Variants in NUP93 observed in about 807,000 individuals in gnomAD.
The protein encoded by NUP93 is nuclear pore complex protein Nup93.
In NUP93, 55 loss-of-function variants were observed where a neutral mutation model predicts 107.8. The observed-to-expected ratio is 0.51, with a 90% CI of 0.41 to 0.64. The LOEUF is 0.64. Among genes scored for constraint, NUP93 ranks in the 30% least tolerant of loss-of-function variants. The pLI, the probability that NUP93 is intolerant of heterozygous loss-of-function variation, is 0.00. For synonymous variants in NUP93, 390 were observed against 397.5 expected (o/e 0.98, Z 0.22); for missense variants, 937 against 1,044.7 (o/e 0.90, Z 1.42).
intron 1 of NUP93, among the ~76,000 whole-genome samples, chr16:56,733,785 C>T: frequency 6.6e-6 from 1 of 152,094 alleles, no homozygotes; most frequent in Non-Finnish European, 1.5e-5. Context: ...TCTGTTAATA[C>T]CTCCATCTCT....
intron 1 of NUP93, among the ~76,000 whole-genome samples, chr16:56,746,748 T>C (rs1961826644): frequency 6.6e-6 from 1 of 152,166 alleles, no homozygotes. Context: ...ACAAAAAAGC[T>C]GGTAGTGTCA....
chr16:56,841,789 T>G lies in NUP93; in HGVS notation c.2305T>G (p.Ser769Ala). 6.2e-7 allele frequency: 1 copy of G among 1,614,194 alleles called. No homozygotes were observed. Among genetic ancestry groups the G allele is most frequent in the Non-Finnish European group, 8.5e-7 (1 of 1,180,022 alleles). Residue 769 changes from serine (S) to alanine (A), a missense_variant, in exon 21 of 22, where the codon TCC becomes GCC. By Grantham distance (99) the Ser-to-Ala change is moderately conservative (BLOSUM62 1). Coordinates refer to ENST00000308159, the MANE Select transcript of NUP93 (RefSeq NM_014669.5). ...QFKRLKGTSP[S>A]SSSRPQRVIE... ...TAAGAGGCTCAAGGGGACAAGTCCA[T>G]CCTCGTCATCCAGGCCCCAGCGAGT...
chr16:56,802,319 C>G (rs1240550093), intron 4 of NUP93, among the ~76,000 whole-genome samples: 2 of 150,334 alleles, frequency 1.3e-5, no homozygotes, highest in African/African-American at 4.9e-5. Flanking sequence ...CCCACCCCAC[C>G]TTTGTGTTCC....
intron 2 of NUP93, among the ~76,000 whole-genome samples, chr16:56,755,608 G>A (rs539035071): frequency 2.6e-5 from 4 of 152,206 alleles, no homozygotes; most frequent in South Asian, 2.1e-4. Flanking sequence ...AGGCATGGTC[G>A]CTCACGCCTG....
Position 56,847,059 on chromosome 16 carries a change from G to A in NUP93, c.*2450G>A, listed in dbSNP as rs1964125477. ...CTCTGCTAGGGGAGCTGTGAGTTGG[G>A]AGAAAAGTGGTCACTGGTTGGCAGT... is the stretch of plus-strand genomic sequence containing the variant. On this transcript the variant is annotated 3_prime_UTR_variant, in exon 22 of 22. Transcript: ENST00000308159. The A allele has an allele frequency of 6.6e-6, 1 of 152,300 alleles. No individual in the cohort carries two copies. Among genetic ancestry groups the A allele is most frequent in the African/African-American group, 2.4e-5 (1 of 41,458 alleles). The allele number at this position is 152,300 out of a possible 1,614,324, so 9.4% of individuals were successfully genotyped here.
chr16:56,821,381 G>A, intron 6 of NUP93, 123 bp from the exon 7 acceptor site: 2 of 635,630 alleles, frequency 3.1e-6, no homozygotes, highest in South Asian at 3.5e-5. Context: ...AGTGTGGATG[G>A]CTCAGCCACT....
chr16:56,788,143 C>T (rs1567388494), intron 3 of NUP93, among the ~76,000 whole-genome samples: 5 of 152,192 alleles, frequency 3.3e-5, no homozygotes, highest in Admixed American at 3.3e-4. Flanking sequence ...CCTCAGCAGT[C>T]TGACAGCAGT....
intron 2 of NUP93, among the ~76,000 whole-genome samples, chr16:56,750,929 C>T (rs1278321233): frequency 6.6e-6 from 1 of 152,012 alleles, no homozygotes; most frequent in Non-Finnish European, 1.5e-5. Flanking sequence ...GAGGCTGAGG[C>T]AGATGAATCG....
At chr16:56,775,719 T>A (rs1003818309) in intron 3 of NUP93, among the ~76,000 whole-genome samples, 4 of 152,104 alleles carry the variant, frequency 2.6e-5, no homozygotes, top group Admixed American at 2.0e-4. Flanking sequence ...CCCAAAAAAA[T>A]GTTAGAATTG....
At chr16:56,739,753 G>A (rs1373170946) in intron 1 of NUP93, among the ~76,000 whole-genome samples, 4 of 121,336 alleles carry the variant, frequency 3.3e-5, no homozygotes, top group African/African-American at 6.6e-5. Flanking sequence ...CGGACGGGGC[G>A]GCTGGCCGGG....
intron 5 of NUP93, among the ~76,000 whole-genome samples, chr16:56,806,009 T>G (rs1567396991): frequency 6.6e-6 from 1 of 150,690 alleles, no homozygotes; most frequent in East Asian, 1.9e-4. Flanking sequence ...TGAACCTTAG[T>G]GTTAATTTAT....
At chr16:56,743,458 C>T (rs975821954) in intron 1 of NUP93, among the ~76,000 whole-genome samples, 1 of 152,134 alleles carries the variant, frequency 6.6e-6, no homozygotes, top group Admixed American at 6.6e-5. Flanking sequence ...ATTTGCTCAG[C>T]ATCCTCTAGG....
rs1963796508 is a variant in NUP93 at position 56,831,829 on chromosome 16, C to T, written c.1086-13C>T. ...GAGTATGTATCTATCTGTCTGTTCC[C>T]TTATGTCTGTAGATTGTCCCCAGCT... On this transcript the variant is annotated splice_polypyrimidine_tract_variant and intron_variant, in intron 10 of 21. Transcript: ENST00000308159. 1.2e-6 allele frequency: 2 copies of T among 1,613,050 alleles called. No homozygotes were observed. The highest frequency in any genetic ancestry group is 1.7e-6 in the Non-Finnish European group (2 of 1,179,594).
intron 3 of NUP93, among the ~76,000 whole-genome samples, chr16:56,775,250 A>T (rs1162994872): frequency 6.6e-6 from 1 of 152,212 alleles, no homozygotes; most frequent in African/African-American, 2.4e-5. Flanking sequence ...ACACTTCACC[A>T]GATTAAATGC....
At chr16:56,737,399 C>T (rs1748929402) in intron 1 of NUP93, among the ~76,000 whole-genome samples, 1 of 152,132 alleles carries the variant, frequency 6.6e-6, no homozygotes, top group Admixed American at 6.6e-5. Context: ...CTAATTACTT[C>T]CCAAAGACCC....
chr16:56,839,960 A>G (rs772242167), intron 20 of NUP93: 3 of 223,894 alleles, frequency 1.3e-5, no homozygotes, highest in Non-Finnish European at 2.7e-5. Context: ...AAGTAGTTCC[A>G]TTGGGTACGT....
At chr16:56,767,247 A>G (rs1318280685) in intron 3 of NUP93, among the ~76,000 whole-genome samples, 4 of 152,254 alleles carry the variant, frequency 2.6e-5, no homozygotes, top group African/African-American at 9.6e-5. Context: ...GCCATCAGCA[A>G]AATCCTGCCT....
chr16:56,774,263 G>C (rs1962372625), intron 3 of NUP93, among the ~76,000 whole-genome samples: 1 of 152,130 alleles, frequency 6.6e-6, no homozygotes, highest in African/African-American at 2.4e-5. Flanking sequence ...CCTTAAATCT[G>C]GTCTCTCAGC....
Position 56,758,663 on chromosome 16 carries a change from C to G in NUP93, c.297+8C>G. The G allele has an allele frequency of 1.2e-6, 2 of 1,600,874 alleles. No homozygotes were observed. Among genetic ancestry groups the G allele is most frequent in the Non-Finnish European group, 1.7e-6 (2 of 1,168,066 alleles). On this transcript the variant is annotated splice_region_variant and intron_variant, in intron 3 of 21. Transcript: ENST00000308159. Reference sequence around the variant, plus strand: ...AAGGACACTGACATTCAGGTAAGGGCTGCCAAGTGCAGGTGGAACCCAGAG... The same window carrying G: ...AAGGACACTGACATTCAGGTAAGGGGTGCCAAGTGCAGGTGGAACCCAGAG...
Sources: gnomAD v4.1 joint callset for allele counts (sites outside exome capture counted in the v4.1 genomes callset) on GRCh38, gnomAD v4.1.1 for gene constraint, MANE v1.5 for transcripts, NCBI Gene and HGNC (gene_info 2026-07-23, HGNC 2026-07-21) for gene names.